Variants in PDLIM1 observed in about 807,000 individuals in gnomAD.
PDLIM1 encodes the protein PDZ and LIM domain protein 1.
A neutral mutation model predicts 35.2 loss-of-function variants in PDLIM1; 25 were observed. That is an observed-to-expected ratio of 0.71 (90% CI 0.52 to 0.99). The LOEUF (loss-of-function observed/expected upper bound fraction) is 0.99, where lower values mean the gene tolerates loss of function less well. PDLIM1 is among the 50% of genes least tolerant of loss of function. PDLIM1 has a pLI of 0.00. For missense variants in PDLIM1, 363 were observed against 415.3 expected (o/e 0.87, Z 1.09); for synonymous variants, 152 against 154.0 (o/e 0.99, Z 0.10).
Position 95,237,896 on chromosome 10 carries a change from G to C in PDLIM1, c.*29C>G. The C allele has an allele frequency of 6.3e-7, 1 of 1,598,388 alleles. No homozygotes were observed. Among genetic ancestry groups the C allele is most frequent in the Non-Finnish European group, 8.6e-7 (1 of 1,167,212 alleles). On this transcript the variant is annotated 3_prime_UTR_variant, in exon 7 of 7. Transcript: ENST00000329399. Reference sequence around the variant, plus strand: ...AGAGAAAAAGCTGCAGCAGAGGCCTGCTGGAGAACAGTGGTCAGATCTGCT... The same window carrying C: ...AGAGAAAAAGCTGCAGCAGAGGCCTCCTGGAGAACAGTGGTCAGATCTGCT...
chr10:95,258,477 G>A (rs546801040), intron 4 of PDLIM1, among the ~76,000 whole-genome samples: 1 of 151,966 alleles, frequency 6.6e-6, no homozygotes, highest in South Asian at 2.1e-4. Flanking sequence ...ACTCCAGCCT[G>A]GGGGACAGAG....
At chr10:95,247,512 C>T in intron 4 of PDLIM1, 146 bp from the exon 5 acceptor site, 1 of 617,734 alleles carries the variant, frequency 1.6e-6, no homozygotes. Flanking sequence ...CACAGACCTG[C>T]TGCCAGCACA....
rs749725911 is a variant in PDLIM1 at position 95,263,960 on chromosome 10, T to C, written c.437A>G (p.Asn146Ser). The stretch of plus-strand genomic sequence containing the variant: ...TTCAGAAGAGTAGAGGCCAGCTGGG[T>C]TGTTGTACTGGTTTGTGATGACCCT... ...TARVITNQYN[N>S]PAGLYSSENI... Residue 146 changes from asparagine (N) to serine (S), a missense_variant, in exon 4 of 7, where the codon AAC (asparagine) becomes AGC (serine). Physicochemically the swap from Asn to Ser is conservative, Grantham distance 46. Coordinates refer to ENST00000329399, the MANE Select transcript of PDLIM1 (RefSeq NM_020992.4). 123 of 1,613,608 alleles carry C rather than the reference T, an allele frequency of 7.6e-5. 1 individual carries two copies. In the South Asian group the frequency reaches 1.3e-3, roughly 17 times the overall value.
chr10:95,277,200 G>A (rs1399697176), intron 1 of PDLIM1, among the ~76,000 whole-genome samples: 1 of 151,832 alleles, frequency 6.6e-6, no homozygotes, highest in Non-Finnish European at 1.5e-5. Context: ...GGGTGATAGA[G>A]TGAGACTTGT....
chr10:95,277,639 T>A (rs976053682), intron 1 of PDLIM1, among the ~76,000 whole-genome samples: 1 of 83,762 alleles, frequency 1.2e-5, no homozygotes, highest in Non-Finnish European at 2.8e-5. Flanking sequence ...TAAGAATGTC[T>A]AAAAATAAAA....
At chr10:95,239,313 G>A (rs756479720) in intron 5 of PDLIM1, among the ~76,000 whole-genome samples, 8 of 152,078 alleles carry the variant, frequency 5.3e-5, no homozygotes, top group African/African-American at 7.2e-5. Flanking sequence ...ATGAAAACCC[G>A]AAAAGCAATT....
intron 3 of PDLIM1, among the ~76,000 whole-genome samples, chr10:95,264,546 G>A (rs1401040050): frequency 6.6e-6 from 1 of 152,198 alleles, no homozygotes; most frequent in Admixed American, 6.5e-5. Context: ...AGGTAAGAGG[G>A]TGTGGTGTCA....
intron 4 of PDLIM1, among the ~76,000 whole-genome samples, chr10:95,253,934 G>A (rs1301588673): frequency 2.0e-5 from 3 of 151,994 alleles, no homozygotes; most frequent in Non-Finnish European, 4.4e-5. Context: ...ACTGTGATAA[G>A]TTATATATAC....
chr10:95,262,896 A>C (rs2035376997), intron 4 of PDLIM1, among the ~76,000 whole-genome samples: 1 of 152,100 alleles, frequency 6.6e-6, no homozygotes, highest in African/African-American at 2.4e-5. Flanking sequence ...TAATCCCGGA[A>C]ATTTGGGAGT....
Position 95,290,561 on chromosome 10 carries a change from G to A in PDLIM1, c.96+259C>T, listed in dbSNP as rs954445679. Among the ~76,000 whole-genome samples the A allele has an allele frequency of 1.3e-5, 2 of 152,152 alleles. No homozygotes were observed. Among genetic ancestry groups the A allele is most frequent in the Non-Finnish European group, 2.9e-5 (2 of 68,020 alleles). On this transcript the variant is annotated intron_variant, in intron 1 of 6. Coordinates refer to ENST00000329399, the MANE Select transcript of PDLIM1 (RefSeq NM_020992.4). The surrounding 1 kb of genome is among the most constrained non-coding windows in gnomAD (Gnocchi z 4.7). ...GCCCCGCCGCGCTTCCGGGGCCAAA[G>A]AACGAAAACTGCCTTCTTTTTTTCT...
At chr10:95,276,505 G>T (rs754686581) in intron 1 of PDLIM1, among the ~76,000 whole-genome samples, 3 of 152,178 alleles carry the variant, frequency 2.0e-5, no homozygotes, top group Non-Finnish European at 2.9e-5. Context: ...AGGAGAGAAG[G>T]CCTGTGCCTC....
At position 95,263,873 on chromosome 10, in the gene PDLIM1, T is replaced by C. The variant is rs2296961; in HGVS notation, c.524A>G (p.Asn175Ser). The part of the protein sequence containing the change: ...SKTAASGVEA[N>S]SRPLDHAQPP... ...CTCCTGGGCTACTTACGGTCTGCTG[T>C]TCGCCTCCACCCCGCTGGCAGCAGT... Residue 175 changes from asparagine to serine, a missense_variant, in exon 4 of 7, where the codon AAC becomes AGC. Transcript: ENST00000329399. 0.28 allele frequency: 457,346 copies of C among 1,610,756 alleles called. 67,499 individuals are homozygous for C. The highest frequency in any genetic ancestry group is 0.31 in the Non-Finnish European group (361,702 of 1,178,070).
At position 95,238,009 on chromosome 10, in the gene PDLIM1, C is replaced by T. The variant is rs1484152561; in HGVS notation, c.906G>A (p.Glu302=). ...NLKQKGHFFV[E]DQIYCEKHAR... is the part of the protein sequence containing the mutation. Reference sequence around the variant, plus strand: ...CATGCTTCTCACAGTAGATTTGATCCTCCACAAAGAAATGGCCCTTCTGTT... The same window carrying T: ...CATGCTTCTCACAGTAGATTTGATCTTCCACAAAGAAATGGCCCTTCTGTT... Residue 302 remains glutamate, a synonymous_variant, in exon 7 of 7, where the codon GAG becomes GAA. Transcript: ENST00000329399. The T allele has an allele frequency of 6.2e-7, 1 of 1,614,162 alleles. No individual in the cohort carries two copies. The highest frequency in any genetic ancestry group is 1.1e-5 in the South Asian group (1 of 91,082).
At position 95,290,974 on chromosome 10, in the gene PDLIM1, C is replaced by T. The variant is rs2035648967; in HGVS notation, c.-59G>A. ...CAGACGGGCAGGACGCGCGGAACAG[C>T]TTGCAGGGCACCCCCGGCGGCTGTC... On this transcript the variant is annotated 5_prime_UTR_variant, in exon 1 of 7. Transcript: ENST00000329399. This position sits in a 1 kb window ranked among gnomAD's most constrained non-coding sequence, Gnocchi z 4.7. 3 of 1,053,054 alleles carry T rather than the reference C, an allele frequency of 2.8e-6. No homozygotes were observed. The highest frequency in any genetic ancestry group is 4.1e-6 in the Non-Finnish European group (3 of 740,028). 65.2% of individuals were successfully genotyped at this position (1,053,054 alleles called of 1,614,324 possible). A position where few individuals can be genotyped will look rare whatever the true frequency, so the allele number is the denominator to read the frequency against.
intron 1 of PDLIM1, among the ~76,000 whole-genome samples, chr10:95,276,688 G>A (rs1295895917): frequency 2.0e-5 from 3 of 152,068 alleles, no homozygotes; most frequent in African/African-American, 7.2e-5. Context: ...TACCAGACAG[G>A]CAATGTTATC....
At chr10:95,246,249 G>A (rs1043834406) in intron 5 of PDLIM1, among the ~76,000 whole-genome samples, 11 of 152,166 alleles carry the variant, frequency 7.2e-5, no homozygotes, top group Non-Finnish European at 1.2e-4. Context: ...GGGAAGAAGC[G>A]GGTGTGAGGG....
chr10:95,266,717 G>A (rs375958028), intron 3 of PDLIM1, among the ~76,000 whole-genome samples: 1 of 152,022 alleles, frequency 6.6e-6, no homozygotes, highest in Non-Finnish European at 1.5e-5. Context: ...GAAAATTCAG[G>A]TTGAAAATTC....
chr10:95,263,899 C>A lies in PDLIM1; in HGVS notation c.498G>T (p.Lys166Asn), dbSNP rs752703317. Residue 166 changes from lysine to asparagine, a missense_variant, in exon 4 of 7, where the codon AAG (lysine) becomes AAT (asparagine). Transcript: ENST00000329399. The part of the protein sequence containing the change: ...ISNFNNALES[K>N]TAASGVEANS... ...TCGCCTCCACCCCGCTGGCAGCAGT[C>A]TTTGACTCCAGGGCATTGTTGAAGT... 7.6e-5 allele frequency: 122 copies of A among 1,613,730 alleles called. No individual in the cohort carries two copies. Among genetic ancestry groups the A allele is most frequent in the Middle Eastern group, 1.7e-4 (1 of 5,928 alleles).
At chr10:95,248,459 G>C (rs1407879300) in intron 4 of PDLIM1, among the ~76,000 whole-genome samples, 3 of 152,148 alleles carry the variant, frequency 2.0e-5, no homozygotes, top group Non-Finnish European at 4.4e-5. Flanking sequence ...TGTTGCCCAG[G>C]CTGGTCTCAA....
Sources: gnomAD v4.1 joint callset for allele counts (sites outside exome capture counted in the v4.1 genomes callset) on GRCh38, gnomAD v4.1.1 for gene constraint, Gnocchi (gnomAD v3.1) non-coding constraint, MANE v1.5 for transcripts, NCBI Gene and HGNC (gene_info 2026-07-23, HGNC 2026-07-21) for gene names.